The following NAV1 variants were observed in gnomAD, a reference collection of about 807,000 sequenced individuals.
NAV1 encodes the protein pore membrane and/or filament interacting like protein 3.
In NAV1, 18 loss-of-function variants were observed where a neutral mutation model predicts 175.2. That is an observed-to-expected ratio of 0.10 (90% CI 0.07 to 0.15). The LOEUF is 0.15. Ranked by LOEUF, NAV1 falls within the 10% of genes least tolerant of loss-of-function variation. NAV1 has a pLI of 1.00. For missense variants in NAV1, 1,731 were observed against 2,436.6 expected, an observed-to-expected ratio of 0.71 and a Z score of 6.10; for synonymous variants, 897 against 978.7, an observed-to-expected ratio of 0.92 and a Z score of 1.56.
intron 3 of NAV1, among the ~76,000 whole-genome samples, chr1:201,768,306 G>T (rs1335522019): frequency 7.1e-6 from 1 of 140,470 alleles, no homozygotes; most frequent in Non-Finnish European, 1.5e-5. Context: ...TGCAGCCTGG[G>T]CAACAAGAGT....
At position 201,731,165 on chromosome 1, in the gene NAV1, C is replaced by T. The variant is rs116418388; in HGVS notation, c.1226+12410C>T. On this transcript the variant is annotated intron_variant, in intron 3 of 29. Coordinates refer to ENST00000367296, the Ensembl canonical transcript of NAV1. ...AGAGACAAGGTAGGAGAGGCTGACA[C>T]GGGGGCATGTGCGGTAGAAAAACAG... 5.6e-3 allele frequency among the ~76,000 whole-genome samples: 843 copies of T among 150,582 alleles called. 9 individuals are homozygous for T. The highest frequency in any genetic ancestry group is 0.019 in the African/African-American group (762 of 40,470).
rs1671098569 is a variant in NAV1, at chr1:201,694,407, C to T, written c.758-18410C>T. Among the ~76,000 whole-genome samples the T allele has an allele frequency of 6.6e-6, 1 of 152,196 alleles. No homozygotes were observed. Among genetic ancestry groups the T allele is most frequent in the African/African-American group, 2.4e-5 (1 of 41,446 alleles). Reference sequence around the variant, plus strand: ...TCCCTCCTTCTGAGCCTAGGGTGCCCCCTTTGCGTCCTCTGGCTCATTAAA... The same window carrying T: ...TCCCTCCTTCTGAGCCTAGGGTGCCTCCTTTGCGTCCTCTGGCTCATTAAA... On this transcript the variant is annotated intron_variant, in intron 1 of 29. Coordinates refer to ENST00000367296, the Ensembl canonical transcript of NAV1. This position sits in a 1 kb window ranked among gnomAD's most constrained non-coding sequence, Gnocchi z 4.2.
intron 3 of NAV1, among the ~76,000 whole-genome samples, chr1:201,754,097 C>A (rs1396915614): frequency 6.6e-6 from 1 of 152,146 alleles, no homozygotes; most frequent in Non-Finnish European, 1.5e-5. Flanking sequence ...TCTCTAATCA[C>A]CTCTGTTCCG....
At chr1:201,712,628 A>G (rs934563257) in intron 1 of NAV1, among the ~76,000 whole-genome samples, 189 bp from the exon 6 acceptor site, 7 of 152,156 alleles carry the variant, frequency 4.6e-5, no homozygotes, top group Non-Finnish European at 1.0e-4. Flanking sequence ...AGAGGGCTCA[A>G]TGGCACATGT....
At chr1:201,589,412 A>C (rs187553284) in intron 2 of NAV1, among the ~76,000 whole-genome samples, 153 of 152,334 alleles carry the variant, frequency 1.0e-3, no homozygotes, top group African/African-American at 3.4e-3. Flanking sequence ...CCGTGTAGGG[A>C]AATGTTAAAT....
At chr1:201,675,896 G>A (rs189519030) in intron 1 of NAV1, among the ~76,000 whole-genome samples, 32 of 152,314 alleles carry the variant, frequency 2.1e-4, no homozygotes, top group African/African-American at 7.5e-4. Context: ...CCCAGTGGCC[G>A]GCCTCATAAA....
chr1:201,588,700 A>T (rs1198305542), intron 2 of NAV1, among the ~76,000 whole-genome samples, 51 bp downstream of exon 2: 1 of 152,040 alleles, frequency 6.6e-6, no homozygotes. Context: ...AGGGGTTGGT[A>T]GGGCTGGGGA....
At chr1:201,739,730 T>C (rs1221847039) in intron 3 of NAV1, 26 of 1,132,126 alleles carry the variant, frequency 2.3e-5, no homozygotes, top group Non-Finnish European at 2.8e-5. Context: ...CGGTGGCTCT[T>C]TGTCTACCTG....
intron 15 of NAV1, chr1:201,798,087 A>G (rs1039523977): frequency 1.3e-5 from 2 of 152,210 alleles, no homozygotes; most frequent in Non-Finnish European, 2.9e-5. Flanking sequence ...TATCTCAGGT[A>G]TTATCATTTG....
chr1:201,551,967 T>G (rs1665867090), intron 1 of NAV1, among the ~76,000 whole-genome samples: 1 of 152,186 alleles, frequency 6.6e-6, no homozygotes, highest in Non-Finnish European at 1.5e-5. Flanking sequence ...ATCACAAAGA[T>G]GCCACATCAC....
chr1:201,789,997 C>T (rs1425884204), intron 11 of NAV1, among the ~76,000 whole-genome samples: 1 of 152,110 alleles, frequency 6.6e-6, no homozygotes, highest in East Asian at 1.9e-4. Context: ...TCTTTCTGGC[C>T]CCACCACCAG....
intron 1 of NAV1, among the ~76,000 whole-genome samples, chr1:201,669,478 G>A (rs1669952499): frequency 6.6e-6 from 1 of 152,210 alleles, no homozygotes; most frequent in African/African-American, 2.4e-5. Context: ...ATGAAGCTGG[G>A]AAGATGGGAG....
At position 201,694,528 on chromosome 1, in the gene NAV1, G is replaced by T. The variant is rs1671105267; in HGVS notation, c.758-18289G>T. Among the ~76,000 whole-genome samples the T allele has an allele frequency of 6.6e-6, 1 of 152,190 alleles. No individual in the cohort carries two copies. On this transcript the variant is annotated intron_variant, in intron 1 of 29. Transcript: ENST00000367296. The surrounding 1 kb of genome is among the most constrained non-coding windows in gnomAD (Gnocchi z 4.2). ...GGGGATCATTTGCAGGGAGAATGCA[G>T]CCAGGACCACCAGCCCTGGCTGCAG...
intron 1 of NAV1, among the ~76,000 whole-genome samples, chr1:201,564,436 G>A (rs1033057547): frequency 9.9e-5 from 15 of 152,064 alleles, no homozygotes; most frequent in Admixed American, 2.6e-4. Flanking sequence ...GCAACATGGC[G>A]AAACCCCGTC....
rs555736153 is a variant in NAV1, at chr1:201,638,405, C to T, written c.4+8898C>T. On this transcript the variant is annotated intron_variant, in intron 2 of 29. Transcript: ENST00000367302. Reference sequence around the variant, plus strand: ...CTGTGGGGCAGTCTTAATGTGACTGCAGTCCTAGATCATGCAGACTTCAGG... The same window carrying T: ...CTGTGGGGCAGTCTTAATGTGACTGTAGTCCTAGATCATGCAGACTTCAGG... Among the ~76,000 whole-genome samples the T allele has an allele frequency of 3.3e-5, 5 of 152,320 alleles. No homozygotes were observed. In the South Asian group the frequency reaches 6.2e-4, roughly 19 times the overall value.
rs955694679 is a variant in NAV1, at chr1:201,782,819, A to C, written c.2307A>C (p.Ala769=). 1 of 1,604,968 alleles carries C rather than the reference A, an allele frequency of 6.2e-7. No homozygotes were observed. The highest frequency in any genetic ancestry group is 1.3e-5 in the African/African-American group (1 of 74,786). Reference sequence around the variant, plus strand: ...CAGAAAGTACTCCCAAGAACCAAGCAAGCCACCCCACAGCCACCAAGCTGG... The same window carrying C: ...CAGAAAGTACTCCCAAGAACCAAGCCAGCCACCCCACAGCCACCAAGCTGG... The change falls in exon 6 of 30, where the codon GCA becomes GCC. Residue 769 remains alanine, a synonymous_variant. Transcript: ENST00000367296. The surrounding 1 kb of genome is among the most constrained non-coding windows in gnomAD (Gnocchi z 5.4).
At chr1:201,550,849 A>G (rs1308699088) in intron 1 of NAV1, among the ~76,000 whole-genome samples, 1 of 152,172 alleles carries the variant, frequency 6.6e-6, no homozygotes, top group Non-Finnish European at 1.5e-5. Flanking sequence ...TGAGACCCAC[A>G]CCACTCTGGA....
chr1:201,563,319 C>A (rs762629449), intron 1 of NAV1, among the ~76,000 whole-genome samples: 3 of 152,034 alleles, frequency 2.0e-5, no homozygotes, highest in Non-Finnish European at 4.4e-5. Flanking sequence ...GGCGTTAACT[C>A]GTCCCACAGG....
chr1:201,548,875 T>C (rs1360110985), intron 1 of NAV1, among the ~76,000 whole-genome samples: 1 of 152,226 alleles, frequency 6.6e-6, no homozygotes, highest in Non-Finnish European at 1.5e-5. Flanking sequence ...AGGGAATAGT[T>C]ATTAGTATGT....
Sources: gnomAD v4.1 joint callset for allele counts (sites outside exome capture counted in the v4.1 genomes callset) on GRCh38, gnomAD v4.1.1 for gene constraint, Gnocchi (gnomAD v3.1) non-coding constraint, MANE v1.5 for transcripts, NCBI Gene and HGNC (gene_info 2026-07-23, HGNC 2026-07-21) for gene names.